Variants in FRMPD4 observed in about 807,000 individuals in gnomAD.
FRMPD4 encodes the protein FERM and PDZ domain-containing protein 4.
A neutral mutation model predicts 94.1 loss-of-function variants in FRMPD4; 22 were observed. That is an observed-to-expected ratio of 0.23 (90% CI 0.17 to 0.33). FRMPD4 has a LOEUF of 0.33. Ranked by LOEUF, FRMPD4 falls within the 10% of genes least tolerant of loss-of-function variation. The pLI is 1.00. For synonymous variants in FRMPD4, 631 were observed against 548.6 expected, an observed-to-expected ratio of 1.15 and a Z score of -2.10; for missense variants, 1,111 against 1,339.9, an observed-to-expected ratio of 0.83 and a Z score of 2.67.
At chrX:12,258,496 C>T (rs2054145251) in intron 1 of FRMPD4, among the ~76,000 whole-genome samples, 1 of 110,828 alleles carries the variant, frequency 9.0e-6, no homozygotes, top group Admixed American at 9.6e-5. Context: ...TTCCCAACCT[C>T]CAGAACTGTA....
chrX:12,450,288 A>G (rs1440168693), intron 1 of FRMPD4, among the ~76,000 whole-genome samples: 2 of 111,509 alleles, frequency 1.8e-5, no homozygotes, highest in African/African-American at 6.5e-5. Flanking sequence ...GTGTTAAAAG[A>G]CAGAAGTTTA....
chrX:11,884,235 T>G lies in FRMPD4; in HGVS notation c.95+6217T>G, dbSNP rs143884296. 7.4e-4 allele frequency among the ~76,000 whole-genome samples: 83 copies of G among 112,466 alleles called. No individual in the cohort carries two copies. In the East Asian group the frequency reaches 0.021, roughly 29 times the overall value. ...ACACCTTGAATAAATGGTCTACATC[T>G]CATGTTAATTTCACCTTTAAAATCA... On this transcript the variant is annotated intron_variant, in intron 3 of 18. Coordinates refer to the FRMPD4 transcript ENST00000640291.
intron 2 of FRMPD4, among the ~76,000 whole-genome samples, chrX:12,499,188 T>G (rs1320643375): frequency 9.0e-6 from 1 of 111,399 alleles, no homozygotes; most frequent in Non-Finnish European, 1.9e-5. Flanking sequence ...CTAGGAGTGG[T>G]CAAGACAGGA....
intron 16 of FRMPD4, among the ~76,000 whole-genome samples, chrX:12,720,013 AG>A (rs57549973): frequency 2.2e-5 from 1 of 46,156 alleles, no homozygotes; most frequent in Non-Finnish European, 4.3e-5. Context: ...AGGAAAGGAA[AG>A]GAAAGGAAAG....
intron 1 of FRMPD4, among the ~76,000 whole-genome samples, chrX:11,824,192 G>T (rs2053427226): frequency 9.0e-6 from 1 of 111,247 alleles, no homozygotes; most frequent in African/African-American, 3.3e-5. Flanking sequence ...CAGCAATATG[G>T]GGAAGACTTG....
At chrX:12,418,384 A>T (rs113620459) in intron 1 of FRMPD4, among the ~76,000 whole-genome samples, 11,819 of 89,673 alleles carry the variant, frequency 0.13, 826 homozygotes, top group South Asian at 0.23. Context: ...TTTGAGATAG[A>T]GTCTCGCTCT....
intron 9 of FRMPD4, among the ~76,000 whole-genome samples, chrX:12,697,059 T>C (rs1465238823): frequency 8.9e-6 from 1 of 112,590 alleles, no homozygotes; most frequent in Non-Finnish European, 1.9e-5. Context: ...TTAATGTTCA[T>C]GAAGATAACC....
chrX:12,115,779 C>T (rs184561022), intron 3 of FRMPD4, among the ~76,000 whole-genome samples: 2 of 111,023 alleles, frequency 1.8e-5, no homozygotes, highest in Non-Finnish European at 3.8e-5. Context: ...TGGTTACTCT[C>T]ACTCCCTTTT....
At chrX:12,606,027 C>T (rs1311916351) in intron 2 of FRMPD4, among the ~76,000 whole-genome samples, 2 of 112,329 alleles carry the variant, frequency 1.8e-5, no homozygotes, top group African/African-American at 6.5e-5. Context: ...CAAATGAGTG[C>T]ATTGTGGAGT....
chrX:12,191,092 A>G (rs1247933368), intron 1 of FRMPD4, among the ~76,000 whole-genome samples: 1 of 112,681 alleles, frequency 8.9e-6, no homozygotes, highest in Admixed American at 9.4e-5. Context: ...AGCCAAAGAC[A>G]TTAACAGACA....
chrX:12,509,174 T>C (rs1431217680), intron 2 of FRMPD4, among the ~76,000 whole-genome samples: 1 of 110,862 alleles, frequency 9.0e-6, no homozygotes, highest in Admixed American at 9.6e-5. Context: ...GAAAACAGTA[T>C]GGAGATTCCT....
chrX:12,410,517 C>G (rs989362646), intron 1 of FRMPD4, among the ~76,000 whole-genome samples: 12 of 109,846 alleles, frequency 1.1e-4, no homozygotes, highest in Admixed American at 9.7e-4. Context: ...TGCTTTTGCT[C>G]CTTTTATTAT....
intron 1 of FRMPD4, among the ~76,000 whole-genome samples, chrX:11,862,681 G>A (rs2053694027): frequency 9.0e-6 from 1 of 110,742 alleles, no homozygotes; most frequent in Admixed American, 9.6e-5. Context: ...CCTTGGCTGA[G>A]CTTGGCTCAG....
intron 3 of FRMPD4, among the ~76,000 whole-genome samples, chrX:12,043,470 A>G (rs1183772708): frequency 8.9e-6 from 1 of 111,817 alleles, no homozygotes; most frequent in African/African-American, 3.2e-5. Flanking sequence ...TCTAAAGGGT[A>G]CAGGCATCAT....
At position 12,132,239 on chromosome X, in the gene FRMPD4, G is replaced by GAA. The variant is rs35315847; in HGVS notation, c.95+254231_95+254232dup. On this transcript the variant is annotated intron_variant, in intron 3 of 18. Transcript: ENST00000640291. ...TCGGTTTCAGGTGAGGTTTAGGAGGGAAAAAAAAAAAGTTAAAAGTGGCCC... is the reference window on the plus strand; with the variant it reads ...TCGGTTTCAGGTGAGGTTTAGGAGGGAAAAAAAAAAAAAGTTAAAAGTGGCCC... Among the ~76,000 whole-genome samples, 101 of 103,595 alleles carry GAA rather than the reference G, an allele frequency of 9.7e-4. 1 individual carries two copies. The highest frequency in any genetic ancestry group is 8.4e-3 in the South Asian group (19 of 2,271). 90.0% of individuals were successfully genotyped at this position (103,595 alleles called of 115,157 possible).
chrX:12,297,534 G>A (rs941181307), intron 1 of FRMPD4, among the ~76,000 whole-genome samples: 4 of 111,715 alleles, frequency 3.6e-5, no homozygotes, highest in Admixed American at 9.5e-5. Context: ...GGAGTGATAC[G>A]GAATTGTGGG....
chrX:12,040,676 C>T (rs923345248), intron 3 of FRMPD4, among the ~76,000 whole-genome samples: 3 of 104,709 alleles, frequency 2.9e-5, no homozygotes, highest in Admixed American at 1.0e-4. Flanking sequence ...TACAGGCACC[C>T]GCCACCATGC....
chrX:12,402,912 TC>T (rs1242605035), intron 1 of FRMPD4, among the ~76,000 whole-genome samples: 1 of 112,105 alleles, frequency 8.9e-6, no homozygotes, highest in African/African-American at 3.2e-5. Flanking sequence ...GTCTTGGACT[TC>T]CTAGCCCCCA....
At chrX:12,134,996 C>T (rs1398575438), upstream of FRMPD4, among the ~76,000 whole-genome samples, 1 of 112,276 alleles carries the variant, frequency 8.9e-6, no homozygotes, top group African/African-American at 3.2e-5. Flanking sequence ...AGTTATAGGA[C>T]TTGCTCTGGA....
Sources: gnomAD v4.1 joint callset for allele counts (sites outside exome capture counted in the v4.1 genomes callset) on GRCh38, gnomAD v4.1.1 for gene constraint, MANE v1.5 for transcripts, NCBI Gene and HGNC (gene_info 2026-07-23, HGNC 2026-07-21) for gene names.